Variants in GRIA4 observed in about 807,000 individuals in gnomAD.
GRIA4 encodes glutamate ionotropic receptor AMPA type subunit 4.
A neutral mutation model predicts 104.0 loss-of-function variants in GRIA4; 34 were observed. That is an observed-to-expected ratio of 0.33 (90% confidence interval 0.25 to 0.44). GRIA4 has a LOEUF of 0.44. Among genes scored for constraint, GRIA4 ranks in the 20% least tolerant of loss-of-function variants. The probability of loss-of-function intolerance (pLI) is 1.00; values close to 1 mark genes in which losing one functional copy is unlikely to be tolerated. For missense variants in GRIA4, 750 were observed against 1,096.5 expected, an observed-to-expected ratio of 0.68 and a Z score of 4.46; for synonymous variants, 386 against 381.9, an observed-to-expected ratio of 1.01 and a Z score of -0.13.
chr11:105,894,288 A>G (rs892178751), intron 6 of GRIA4, among the ~76,000 whole-genome samples: 1 of 152,022 alleles, frequency 6.6e-6, no homozygotes, highest in Admixed American at 6.6e-5. Context: ...CAAACTCAAG[A>G]GGTGGTTTGT....
At chr11:105,740,554 T>A (rs1266257712) in intron 3 of GRIA4, among the ~76,000 whole-genome samples, 1 of 152,214 alleles carries the variant, frequency 6.6e-6, no homozygotes, top group African/African-American at 2.4e-5. Context: ...GAACGTGTAT[T>A]CTCCTACATA....
intron 4 of GRIA4, among the ~76,000 whole-genome samples, chr11:105,845,700 G>A (rs564074856): frequency 2.6e-5 from 4 of 152,160 alleles, no homozygotes; most frequent in South Asian, 2.1e-4. Context: ...TGGCTAATAC[G>A]GTGAAATGCT....
chr11:105,913,782 T>C (rs1026384379), intron 10 of GRIA4, among the ~76,000 whole-genome samples: 1 of 152,108 alleles, frequency 6.6e-6, no homozygotes, highest in Non-Finnish European at 1.5e-5. Flanking sequence ...ATGCTTATGA[T>C]GCATTGCTCA....
rs144765195 is a variant in GRIA4 at position 105,656,219 on chromosome 11, C to G, written c.247+43785C>G. The stretch of plus-strand genomic sequence containing the variant: ...AATTCGTTTAAATTATTTGTAGATT[C>G]TGGATATTACTATCTGATATTTTAC... On this transcript the variant is annotated intron_variant, in intron 3 of 16. Coordinates refer to ENST00000282499, the MANE Select transcript of GRIA4 (RefSeq NM_000829.4). Among the ~76,000 whole-genome samples, 203 of 152,014 alleles carry G rather than the reference C, an allele frequency of 1.3e-3. No individual in the cohort carries two copies. In the East Asian group the frequency reaches 0.023, roughly 17 times the overall value.
Position 105,974,301 on chromosome 11 carries a change from C to T in GRIA4, c.2410-9C>T. On this transcript the variant is annotated splice_polypyrimidine_tract_variant and intron_variant, in intron 15 of 16. Transcript: ENST00000282499. ...CCACAGTTAACTGAAGTGTCTTTAT[C>T]CCCCCTAGGACAAGACGAGTGCCTT... The T allele has an allele frequency of 1.9e-6, 3 of 1,611,852 alleles. No individual in the cohort carries two copies. Among genetic ancestry groups the T allele is most frequent in the East Asian group, 2.2e-5 (1 of 44,864 alleles).
At chr11:105,876,433 C>G (rs1289595454) in intron 5 of GRIA4, among the ~76,000 whole-genome samples, 1 of 152,170 alleles carries the variant, frequency 6.6e-6, no homozygotes, top group Non-Finnish European at 1.5e-5. Context: ...ATTAGGTCCA[C>G]TTGATCCAGA....
intron 13 of GRIA4, among the ~76,000 whole-genome samples, chr11:105,932,648 G>C (rs191824906): frequency 7.5e-4 from 114 of 152,192 alleles, no homozygotes; most frequent in African/African-American, 2.6e-3. Flanking sequence ...TAAGTTTCTT[G>C]GCTGGAGTCA....
chr11:105,899,370 C>T (rs968724784), intron 7 of GRIA4, among the ~76,000 whole-genome samples: 2 of 152,198 alleles, frequency 1.3e-5, no homozygotes, highest in African/African-American at 4.8e-5. Flanking sequence ...CAGATAAATA[C>T]AAGCAAATTA....
intron 13 of GRIA4, among the ~76,000 whole-genome samples, chr11:105,927,658 T>G (rs1947748163): frequency 6.6e-6 from 1 of 152,052 alleles, no homozygotes; most frequent in South Asian, 2.1e-4. Context: ...GAGGTTTTTA[T>G]TTTAGTTTTT....
intron 4 of GRIA4, among the ~76,000 whole-genome samples, chr11:105,859,577 A>C (rs1196486015): frequency 6.6e-6 from 1 of 152,176 alleles, no homozygotes; most frequent in African/African-American, 2.4e-5. Context: ...TCAGCAGGAG[A>C]ATAACAACAT....
chr11:105,916,835 C>CA (rs1200616489), intron 10 of GRIA4, among the ~76,000 whole-genome samples: 1 of 152,136 alleles, frequency 6.6e-6, no homozygotes, highest in Admixed American at 6.6e-5. Context: ...GAAAAACTCT[C>CA]AAACTTGTTA....
intron 4 of GRIA4, among the ~76,000 whole-genome samples, chr11:105,803,697 T>C (rs1942817544): frequency 6.6e-6 from 1 of 151,898 alleles, no homozygotes; most frequent in Admixed American, 6.6e-5. Flanking sequence ...ACACATTGTA[T>C]ATCTTCCAGA....
At chr11:105,925,468 C>T (rs1055279815) in intron 12 of GRIA4, among the ~76,000 whole-genome samples, 1 of 152,030 alleles carries the variant, frequency 6.6e-6, no homozygotes, top group Non-Finnish European at 1.5e-5. Flanking sequence ...GAGAAAGTAG[C>T]TGAAGGTATG....
intron 3 of GRIA4, among the ~76,000 whole-genome samples, chr11:105,625,690 C>G (rs1278049096): frequency 6.6e-6 from 1 of 152,086 alleles, no homozygotes; most frequent in Non-Finnish European, 1.5e-5. Flanking sequence ...GGGAATATTA[C>G]TTCCAATTAT....
intron 4 of GRIA4, among the ~76,000 whole-genome samples, chr11:105,832,566 A>G (rs1436919278): frequency 1.3e-5 from 2 of 151,940 alleles, no homozygotes; most frequent in African/African-American, 4.8e-5. Flanking sequence ...AGCAAACTGA[A>G]GCCGAGAGAA....
In GRIA4 at chr11:105,673,646, A is replaced by T. The variant is rs116274042; in HGVS notation, c.247+61212A>T. Among the ~76,000 whole-genome samples, 736 of 152,172 alleles carry T rather than the reference A, an allele frequency of 4.8e-3. 5 individuals carry two copies. Among genetic ancestry groups the T allele is most frequent in the African/African-American group, 0.016 (672 of 41,568 alleles). ...CGCTAGCAATTTTATGAATTATGAC[A>T]AGGTGGCAGATCATAATTTACTGCT... On this transcript the variant is annotated intron_variant, in intron 3 of 16. Coordinates refer to ENST00000282499, the MANE Select transcript of GRIA4 (RefSeq NM_000829.4).
intron 2 of GRIA4, among the ~76,000 whole-genome samples, chr11:105,611,443 T>C (rs1205627357): frequency 6.6e-6 from 1 of 151,926 alleles, no homozygotes; most frequent in African/African-American, 2.4e-5. Context: ...TGATGTCGAG[T>C]TTGTTTAAAA....
At chr11:105,874,015 G>C (rs574775006) in intron 5 of GRIA4, among the ~76,000 whole-genome samples, 2 of 152,242 alleles carry the variant, frequency 1.3e-5, no homozygotes, top group African/African-American at 4.8e-5. Flanking sequence ...GAATGGTATT[G>C]CCTAGGTCTT....
intron 3 of GRIA4, among the ~76,000 whole-genome samples, chr11:105,645,319 G>T (rs72991753): frequency 0.019 from 2,953 of 152,338 alleles, 44 homozygotes; most frequent in Middle Eastern, 0.031. Flanking sequence ...CTCCTTGGCA[G>T]GGGAGTCAAC....
Sources: gnomAD v4.1 joint callset for allele counts (sites outside exome capture counted in the v4.1 genomes callset) on GRCh38, gnomAD v4.1.1 for gene constraint, MANE v1.5 for transcripts, NCBI Gene and HGNC (gene_info 2026-07-23, HGNC 2026-07-21) for gene names.